STAG1: variants seen among roughly 807,000 people sequenced by gnomAD.
STAG1 encodes STAG1 cohesin complex component, also known as cohesin subunit SA-1.
A neutral mutation model predicts 170.9 loss-of-function variants in STAG1; 26 were observed. The ratio of observed to expected loss-of-function variants is 0.15; its 90% CI spans 0.11 to 0.21. STAG1 has a LOEUF of 0.21. STAG1 is among the 10% of genes least tolerant of loss of function. The probability of loss-of-function intolerance (pLI) is 1.00; values close to 1 mark genes in which losing one functional copy is unlikely to be tolerated. For synonymous variants in STAG1, 514 were observed against 497.7 expected (o/e 1.03, Z -0.44); for missense variants, 964 against 1,509.5 (o/e 0.64, Z 5.99).
chr3:136,340,207 T>C (rs1489232371), intron 32 of STAG1, among the ~76,000 whole-genome samples: 5 of 152,144 alleles, frequency 3.3e-5, no homozygotes, highest in Non-Finnish European at 7.4e-5. Context: ...CAGGCTAGAT[T>C]GCAATGGCAC....
chr3:136,731,575 C>T (rs969341913), intron 1 of STAG1, among the ~76,000 whole-genome samples: 13 of 152,182 alleles, frequency 8.5e-5, no homozygotes, highest in African/African-American at 1.2e-4. Flanking sequence ...AGCAATAAGC[C>T]TATCAAGTAA....
intron 1 of STAG1, among the ~76,000 whole-genome samples, chr3:136,718,845 T>C (rs1180075891): frequency 2.0e-5 from 3 of 152,014 alleles, no homozygotes; most frequent in Non-Finnish European, 4.4e-5. Flanking sequence ...GAGAATCACT[T>C]GAACCTGGGA....
At chr3:136,609,321 A>C (rs1939135137) in intron 3 of STAG1, 1 of 151,030 alleles carries the variant, frequency 6.6e-6, no homozygotes, top group Admixed American at 6.6e-5. Context: ...AATTACAAAA[A>C]TTAGCTTTCA....
At chr3:136,723,973 G>T (rs566062723) in intron 1 of STAG1, among the ~76,000 whole-genome samples, 1 of 150,572 alleles carries the variant, frequency 6.6e-6, no homozygotes, top group African/African-American at 2.4e-5. Flanking sequence ...CGACCAGGAG[G>T]GAGGTGGGGG....
At chr3:136,419,825 C>A (rs1179258287) in intron 20 of STAG1, among the ~76,000 whole-genome samples, 5 of 151,942 alleles carry the variant, frequency 3.3e-5, no homozygotes, top group Non-Finnish European at 7.4e-5. Flanking sequence ...GAAAATTATA[C>A]CTGTAGCACT....
At chr3:136,496,971 T>A (rs1035038071) in intron 9 of STAG1, among the ~76,000 whole-genome samples, 5 of 151,990 alleles carry the variant, frequency 3.3e-5, no homozygotes, top group African/African-American at 1.2e-4. Context: ...ACCAACTTTA[T>A]GCTGATAGTT....
intron 22 of STAG1, among the ~76,000 whole-genome samples, chr3:136,384,398 A>G (rs573830729): frequency 5.0e-4 from 76 of 151,758 alleles, no homozygotes; most frequent in African/African-American, 1.8e-3. Context: ...TACAGAGAGC[A>G]AAGACTGCAC....
intron 10 of STAG1, among the ~76,000 whole-genome samples, chr3:136,475,335 C>G (rs1444442534): frequency 5.3e-5 from 8 of 151,866 alleles, no homozygotes; most frequent in Non-Finnish European, 1.0e-4. Context: ...TTAGTAGAGA[C>G]AGGGTTTTGC....
rs1935773294 is a variant in STAG1 at position 136,338,094 on chromosome 3, GCTC to G, written c.*157_*159del. 3.4e-6 allele frequency: 2 copies of G among 586,030 alleles called. No individual in the cohort carries two copies. Among genetic ancestry groups the G allele is most frequent in the South Asian group, 2.4e-5 (1 of 41,100 alleles). 36.3% of individuals were successfully genotyped at this position (586,030 alleles called of 1,614,324 possible). ...CAACATTCCCTTGGGTAATTTACAT[GCTC>G]CTCTTCTGTCACTGCAAAAAGGGAT... is the stretch of plus-strand genomic sequence containing the variant. On this transcript the variant is annotated 3_prime_UTR_variant, in exon 34 of 34. Transcript: ENST00000383202.
rs142313524 is a variant in STAG1, at chr3:136,576,479, A to AC, written c.298-7619dup. On this transcript the variant is annotated intron_variant, in intron 4 of 33. Transcript: ENST00000383202. ...CTGAATCATAGATTACATTCATATG[A>AC]CAAAAAATGATGACATTTGCTATAA... Among the ~76,000 whole-genome samples the AC allele has an allele frequency of 3.6e-3, 541 of 152,340 alleles. 4 individuals carry two copies. Among genetic ancestry groups the AC allele is most frequent in the Non-Finnish European group, 4.6e-3 (315 of 68,024 alleles).
chr3:136,580,668 G>A (rs1394419034), intron 4 of STAG1, among the ~76,000 whole-genome samples: 1 of 150,432 alleles, frequency 6.6e-6, no homozygotes, highest in East Asian at 2.0e-4. Context: ...CGAGTAGCTG[G>A]GACTACAGGC....
Position 136,377,698 on chromosome 3 carries a change from G to A in STAG1, c.2332C>T (p.Gln778Ter). 6.2e-7 allele frequency: 1 copy of A among 1,613,998 alleles called. No homozygotes were observed. Among genetic ancestry groups the A allele is most frequent in the Non-Finnish European group, 8.5e-7 (1 of 1,179,974 alleles). Residue 778 changes from glutamine (Q) to a stop codon, truncating the protein, a stop_gained, in exon 23 of 34, where the codon CAG (glutamine) becomes TAG (stop). Transcript: ENST00000383202. LOFTEE classifies it high-confidence loss of function. ...GGAGTATTAACATTAGACAGGCACT[G>A]CTGGCAAACAGCCAAAAAGGATTTC... Reference protein sequence around the residue: ...TVKSFLAVCQQCLSNVNTPVK... With the variant: ...TVKSFLAVCQ
intron 5 of STAG1, among the ~76,000 whole-genome samples, chr3:136,564,987 A>G: frequency 1.2e-5 from 1 of 81,212 alleles, no homozygotes; most frequent in African/African-American, 6.7e-5. Context: ...GGAAGGAAGG[A>G]AGGAAGGAAG....
intron 1 of STAG1, among the ~76,000 whole-genome samples, chr3:136,697,983 A>G (rs780548345): frequency 1.4e-4 from 21 of 152,152 alleles, no homozygotes; most frequent in Non-Finnish European, 2.9e-4. Context: ...TGAAATACAC[A>G]TTATAACTAT....
chr3:136,433,433 A>T, intron 16 of STAG1, 123 bp downstream of exon 16: 1 of 709,044 alleles, frequency 1.4e-6, no homozygotes, highest in Non-Finnish European at 2.4e-6. Context: ...GAAGCACCAT[A>T]GTCCATCATT....
intron 6 of STAG1, among the ~76,000 whole-genome samples, chr3:136,528,494 A>ACCCC (rs34484071): frequency 9.8e-5 from 7 of 71,398 alleles, no homozygotes; most frequent in African/African-American, 3.8e-4. Context: ...ATGTCCCCGC[A>ACCCC]CCCCCCCCCC....
chr3:136,740,251 G>A (rs1253901636), intron 1 of STAG1, among the ~76,000 whole-genome samples: 1 of 152,076 alleles, frequency 6.6e-6, no homozygotes, highest in East Asian at 1.9e-4. Flanking sequence ...TCAAAAAAAA[G>A]AGAGAATTTT....
chr3:136,625,284 T>C (rs1940044783), intron 2 of STAG1, among the ~76,000 whole-genome samples: 1 of 152,244 alleles, frequency 6.6e-6, no homozygotes, highest in African/African-American at 2.4e-5. Flanking sequence ...CTGTTAGGTC[T>C]GCTCTTCTCC....
chr3:136,451,528 C>G (rs558437647), intron 14 of STAG1, among the ~76,000 whole-genome samples: 1 of 152,062 alleles, frequency 6.6e-6, no homozygotes, highest in South Asian at 2.1e-4. Flanking sequence ...CTTTGGGAGG[C>G]CAAGGTGGGC....
Sources: allele counts gnomAD v4.1 joint callset (sites outside exome capture counted in the v4.1 genomes callset), GRCh38; gene constraint gnomAD v4.1.1; transcripts MANE v1.5; gene names NCBI Gene and HGNC (gene_info 2026-07-23, HGNC 2026-07-21).